Variants in PCDH15 observed in about 807,000 individuals in gnomAD.
PCDH15 encodes the protein protocadherin-15.
PCDH15 carries 129 observed loss-of-function variants against 178.5 expected under a neutral mutation model. The ratio of observed to expected loss-of-function variants is 0.72; its 90% CI spans 0.63 to 0.84. The LOEUF is 0.84. Among genes scored for constraint, PCDH15 ranks in the 40% least tolerant of loss-of-function variants. The pLI is 0.00. For missense variants in PCDH15, 2,230 were observed against 2,099.9 expected (o/e 1.06, Z -1.21); for synonymous variants, 800 against 732.0 (o/e 1.09, Z -1.50).
At chr10:54,524,846 T>C (rs1357457389) in intron 3 of PCDH15, among the ~76,000 whole-genome samples, 1 of 152,166 alleles carries the variant, frequency 6.6e-6, no homozygotes, top group Non-Finnish European at 1.5e-5. Flanking sequence ...GCAATTGTGA[T>C]GAAAATAATC....
intron 29 of PCDH15, among the ~76,000 whole-genome samples, chr10:53,836,664 C>T (rs1471598997): frequency 6.6e-6 from 1 of 152,106 alleles, no homozygotes; most frequent in Admixed American, 6.5e-5. Context: ...CTGTAATGTC[C>T]ATTTACAGGC....
At chr10:55,357,008 A>G (rs1235691644) in intron 2 of PCDH15, among the ~76,000 whole-genome samples, 1 of 151,972 alleles carries the variant, frequency 6.6e-6, no homozygotes, top group Non-Finnish European at 1.5e-5. Flanking sequence ...AGTGCCCTGT[A>G]ACACCAATAT....
At chr10:54,132,139 G>A (rs543180499) in intron 15 of PCDH15, among the ~76,000 whole-genome samples, 14 of 152,200 alleles carry the variant, frequency 9.2e-5, no homozygotes, top group African/African-American at 2.6e-4. Flanking sequence ...AAAATAGTAC[G>A]TCATCTTATG....
chr10:55,314,203 A>G (rs1053395839), intron 1 of PCDH15, among the ~76,000 whole-genome samples: 72 of 140,986 alleles, frequency 5.1e-4, no homozygotes, highest in Middle Eastern at 3.6e-3. Flanking sequence ...TTGTGTGTAT[A>G]TATATATATA....
At chr10:54,178,829 A>G (rs1424846957) in intron 13 of PCDH15, among the ~76,000 whole-genome samples, 2 of 152,156 alleles carry the variant, frequency 1.3e-5, no homozygotes, top group African/African-American at 4.8e-5. Flanking sequence ...GCTCATCATC[A>G]CTGGCCATCA....
intron 7 of PCDH15, among the ~76,000 whole-genome samples, chr10:54,329,022 T>A (rs73248005): frequency 0.013 from 1,929 of 152,058 alleles, 42 homozygotes; most frequent in African/African-American, 0.043. Context: ...TACAAGCATA[T>A]GTTTGGATGT....
intron 2 of PCDH15, among the ~76,000 whole-genome samples, chr10:55,095,580 A>C (rs1366572497): frequency 3.3e-5 from 5 of 152,030 alleles, no homozygotes; most frequent in African/African-American, 4.8e-5. Context: ...GATATTGTAG[A>C]GGTTTTGGAA....
intron 21 of PCDH15, among the ~76,000 whole-genome samples, chr10:53,981,973 G>GA (rs1344614727): frequency 1.3e-5 from 2 of 151,622 alleles, no homozygotes; most frequent in South Asian, 2.1e-4. Flanking sequence ...AAATTTACAA[G>GA]AAAAAAACAA....
chr10:54,228,937 T>C (rs1299545674), intron 9 of PCDH15, among the ~76,000 whole-genome samples: 1 of 152,224 alleles, frequency 6.6e-6, no homozygotes, highest in African/African-American at 2.4e-5. Context: ...CCTTCTCTCT[T>C]GTCTGTTTGC....
At chr10:54,629,217 A>G (rs2093637016) in intron 2 of PCDH15, among the ~76,000 whole-genome samples, 1 of 152,164 alleles carries the variant, frequency 6.6e-6, no homozygotes. Context: ...CAATAAGGCA[A>G]TTACTTAAAA....
At chr10:54,862,917 A>G (rs949757968) in intron 3 of PCDH15, among the ~76,000 whole-genome samples, 1 of 152,168 alleles carries the variant, frequency 6.6e-6, no homozygotes, top group Non-Finnish European at 1.5e-5. Context: ...TGTTATAGTA[A>G]CACAAAATTA....
In PCDH15 at chr10:53,972,500, C is replaced by T. The variant is rs531844003; in HGVS notation, c.2869-10608G>A. ...AGAAACTACCACCAGAATGAACAGGCAACCTACAGAATGGGAGAAAATTTT... is the reference window on the plus strand; with the variant it reads ...AGAAACTACCACCAGAATGAACAGGTAACCTACAGAATGGGAGAAAATTTT... On this transcript the variant is annotated intron_variant, in intron 21 of 37. Coordinates refer to ENST00000644397, the MANE Select transcript of PCDH15 (RefSeq NM_001384140.1). 9.2e-5 allele frequency among the ~76,000 whole-genome samples: 14 copies of T among 152,228 alleles called. No homozygotes were observed. The South Asian group carries it at 2.3e-3, about 25-fold the overall frequency.
chr10:55,437,832 CTTTTTTT>C (rs778307616), intron 2 of PCDH15, among the ~76,000 whole-genome samples: 2 of 85,148 alleles, frequency 2.3e-5, no homozygotes, highest in East Asian at 3.2e-4. Context: ...TATTGCTTTT[CTTTTTTT>C]TTTTTTTTTT....
intron 26 of PCDH15, among the ~76,000 whole-genome samples, chr10:53,873,382 G>C (rs1480091885): frequency 1.3e-5 from 2 of 152,144 alleles, no homozygotes; most frequent in African/African-American, 2.4e-5. Flanking sequence ...AACATTTATT[G>C]AACACTTACA....
intron 2 of PCDH15, among the ~76,000 whole-genome samples, chr10:54,663,865 A>G (rs2094529467): frequency 6.6e-6 from 1 of 151,900 alleles, no homozygotes; most frequent in Non-Finnish European, 1.5e-5. Flanking sequence ...GTTAGTAAAT[A>G]CAATTTAATA....
At chr10:55,094,278 A>C (rs1842391994) in intron 2 of PCDH15, among the ~76,000 whole-genome samples, 1 of 152,054 alleles carries the variant, frequency 6.6e-6, no homozygotes, top group Non-Finnish European at 1.5e-5. Flanking sequence ...ATTCTGAGCA[A>C]ACTATCGCAA....
At chr10:54,772,492 C>T (rs1416241799) in intron 1 of PCDH15, among the ~76,000 whole-genome samples, 3 of 151,932 alleles carry the variant, frequency 2.0e-5, no homozygotes, top group African/African-American at 4.8e-5. Context: ...GACATACATG[C>T]GTCCAACAAA....
intron 25 of PCDH15, among the ~76,000 whole-genome samples, chr10:53,928,895 A>G (rs1318957447): frequency 6.6e-6 from 1 of 152,078 alleles, no homozygotes; most frequent in Non-Finnish European, 1.5e-5. Flanking sequence ...TATTAATTAT[A>G]AGTACGTTTC....
chr10:54,662,734 C>T (rs2094510235), intron 2 of PCDH15, among the ~76,000 whole-genome samples: 1 of 151,944 alleles, frequency 6.6e-6, no homozygotes, highest in African/African-American at 2.4e-5. Flanking sequence ...TGAATACTTT[C>T]CTGCTCAGTG....
Sources: gnomAD v4.1 joint callset for allele counts (sites outside exome capture counted in the v4.1 genomes callset) on GRCh38, gnomAD v4.1.1 for gene constraint, MANE v1.5 for transcripts, NCBI Gene and HGNC (gene_info 2026-07-23, HGNC 2026-07-21) for gene names.